The following SATL1 variants were observed in gnomAD, a reference collection of about 807,000 sequenced individuals.
The protein encoded by SATL1 is spermidine/spermine N1-acetyl transferase like 1.
SATL1 carries 47 observed loss-of-function variants against 51.8 expected under a neutral mutation model. That is an observed-to-expected ratio of 0.91 (90% CI 0.72 to 1.16). The LOEUF (loss-of-function observed/expected upper bound fraction) is 1.16, where lower values mean the gene tolerates loss of function less well. Ranked by LOEUF, SATL1 falls within the 50% of genes most tolerant of loss-of-function variation. The pLI, the probability that SATL1 is intolerant of heterozygous loss-of-function variation, is 0.00. For synonymous variants in SATL1, 176 were observed against 182.4 expected (o/e 0.97, Z 0.28); for missense variants, 520 against 526.4 (o/e 0.99, Z 0.12).
At chrX:85,153,170 C>T (rs992551097) in intron 2 of SATL1, among the ~76,000 whole-genome samples, 1 of 110,029 alleles carries the variant, frequency 9.1e-6, no homozygotes, top group Non-Finnish European at 1.9e-5. Context: ...AATCTGGAAT[C>T]GTGGGAAAGA....
intron 2 of SATL1, among the ~76,000 whole-genome samples, chrX:85,111,358 A>G (rs1271790973): frequency 8.9e-6 from 1 of 112,415 alleles, no homozygotes; most frequent in Non-Finnish European, 1.9e-5. Flanking sequence ...TTTTTAACGG[A>G]ACATACAAAA....
chrX:85,159,704 A>C (rs1774677904), intron 2 of SATL1, among the ~76,000 whole-genome samples: 1 of 111,216 alleles, frequency 9.0e-6, no homozygotes, highest in African/African-American at 3.3e-5. Flanking sequence ...TGGTAACACC[A>C]CCATGAACAC....
chrX:85,199,564 T>C (rs1470922848), intron 2 of SATL1, among the ~76,000 whole-genome samples: 1 of 112,114 alleles, frequency 8.9e-6, no homozygotes, highest in African/African-American at 3.2e-5. Flanking sequence ...GCAAGTGTGG[T>C]ACCTATACAC....
At chrX:85,224,384 A>G (rs1258067166) in intron 1 of SATL1, 58 bp from the exon 2 acceptor site, 2 of 111,299 alleles carry the variant, frequency 1.8e-5, no homozygotes, top group African/African-American at 3.3e-5. Flanking sequence ...CACATAAGTA[A>G]TGTTTACAGA....
In SATL1 at chrX:85,108,676, A is replaced by T; in HGVS notation, c.293T>A (p.Val98Asp). ...GMLQQELSQLVLSKAGISQPD... is the reference protein window; with the variant it reads ...GMLQQELSQLDLSKAGISQPD... ...TTGGCTTATGCCTGCTTTGCTCAGG[A>T]CTAGTTGGCTCAGTTCTTGTTGCAG... The change falls in exon 3 of 8, where the codon GTC (valine) becomes GAC (aspartate). Residue 98 changes from valine (V) to aspartate (D), a missense_variant. By Grantham distance (152) the Val-to-Asp change is radical. Around this residue, in one of 3 missense-constraint regions of SATL1, gnomAD observed 488 missense variants for 474.3 expected, o/e 1.03. Coordinates refer to ENST00000644105, the MANE Select transcript of SATL1 (RefSeq NM_001367857.2). 8.3e-7 allele frequency: 1 copy of T among 1,198,985 alleles called. No homozygotes were observed. Among genetic ancestry groups the T allele is most frequent in the Non-Finnish European group, 1.1e-6 (1 of 889,164 alleles).
At chrX:85,160,439 G>T (rs1602879859) in intron 2 of SATL1, among the ~76,000 whole-genome samples, 1 of 110,585 alleles carries the variant, frequency 9.0e-6, no homozygotes, top group East Asian at 2.9e-4. Context: ...AAGGATCACA[G>T]TAAAACGATA....
chrX:85,149,110 G>C (rs1351338585), intron 2 of SATL1, among the ~76,000 whole-genome samples: 2 of 111,488 alleles, frequency 1.8e-5, no homozygotes, highest in Non-Finnish European at 3.8e-5. Flanking sequence ...AAAATAAAAG[G>C]ATGGAGGAGG....
At chrX:85,228,413 T>A (rs1291946658) in intron 1 of SATL1, among the ~76,000 whole-genome samples, 2 of 111,313 alleles carry the variant, frequency 1.8e-5, no homozygotes, top group South Asian at 3.7e-4. Context: ...TTCTCACATT[T>A]AAAAAAAATG....
At chrX:85,114,455 A>T (rs1925336469) in intron 2 of SATL1, among the ~76,000 whole-genome samples, 1 of 111,393 alleles carries the variant, frequency 9.0e-6, no homozygotes, top group African/African-American at 3.3e-5. Context: ...TAATGTCACA[A>T]TCTCCAAAGT....
At chrX:85,111,505 C>A (rs923995056) in intron 2 of SATL1, among the ~76,000 whole-genome samples, 1 of 112,135 alleles carries the variant, frequency 8.9e-6, no homozygotes, top group Non-Finnish European at 1.9e-5. Flanking sequence ...TTTTAATAGA[C>A]TATTTTTTAA....
At chrX:85,105,949 G>A (rs1177276070) in intron 3 of SATL1, among the ~76,000 whole-genome samples, 1 of 111,722 alleles carries the variant, frequency 9.0e-6, no homozygotes, top group Non-Finnish European at 1.9e-5. Context: ...AAATTAAAAA[G>A]TAAATGTGGC....
chrX:85,220,687 A>AC (rs1928157806), intron 2 of SATL1, among the ~76,000 whole-genome samples: 1 of 91,903 alleles, frequency 1.1e-5, no homozygotes, highest in Non-Finnish European at 2.1e-5. Context: ...AAAAAAAAAA[A>AC]CTCTCCTGGA....
At chrX:85,183,502 A>T (rs1927251763) in intron 2 of SATL1, among the ~76,000 whole-genome samples, 1 of 111,363 alleles carries the variant, frequency 9.0e-6, no homozygotes, top group South Asian at 3.8e-4. Flanking sequence ...ATTTGGTAGT[A>T]TGATACCTGA....
chrX:85,171,171 G>A (rs778963361), intron 2 of SATL1, among the ~76,000 whole-genome samples: 8 of 111,271 alleles, frequency 7.2e-5, no homozygotes, highest in Non-Finnish European at 1.5e-4. Context: ...ATAAATCAGG[G>A]TAAACTTATT....
At chrX:85,190,210 C>G (rs1462283005) in intron 2 of SATL1, among the ~76,000 whole-genome samples, 1 of 111,790 alleles carries the variant, frequency 8.9e-6, no homozygotes, top group East Asian at 2.8e-4. Flanking sequence ...AAACGTTTTT[C>G]CTCTAATAAA....
chrX:85,113,327 C>CA lies in SATL1; in HGVS notation c.-312-4048dup, dbSNP rs767290831. Among the ~76,000 whole-genome samples, 29 of 110,911 alleles carry CA rather than the reference C, an allele frequency of 2.6e-4. No homozygotes were observed. In the South Asian group the frequency reaches 5.0e-3, roughly 19 times the overall value. On this transcript the variant is annotated intron_variant, in intron 2 of 7. Coordinates refer to ENST00000644105, the MANE Select transcript of SATL1 (RefSeq NM_001367857.2). Reference sequence around the variant, plus strand: ...CCAGAATAATAGGCTGCAGATAGCTCAAAAAAATCCTGAGGCTACCGACAT... The same window carrying CA: ...CCAGAATAATAGGCTGCAGATAGCTCAAAAAAAATCCTGAGGCTACCGACAT...
intron 2 of SATL1, among the ~76,000 whole-genome samples, chrX:85,220,560 A>C (rs894650182): frequency 1.1e-4 from 11 of 100,644 alleles, no homozygotes; most frequent in Non-Finnish European, 2.2e-4. Context: ...TTTGGATACC[A>C]GCTCAGCCAC....
At chrX:85,165,109 T>G (rs1259083817) in intron 2 of SATL1, among the ~76,000 whole-genome samples, 1 of 111,806 alleles carries the variant, frequency 8.9e-6, no homozygotes, top group African/African-American at 3.3e-5. Flanking sequence ...AGGGAAGTTT[T>G]CCTTGATTAT....
chrX:85,133,461 C>T (rs747656127), intron 2 of SATL1, among the ~76,000 whole-genome samples: 54 of 112,465 alleles, frequency 4.8e-4, no homozygotes, highest in African/African-American at 1.0e-3. Context: ...CTGAGCCATG[C>T]GCAGGATATA....
Sources: gnomAD v4.1 joint callset for allele counts (sites outside exome capture counted in the v4.1 genomes callset) on GRCh38, gnomAD v4.1.1 for gene constraint, gnomAD v4.1.1 regional missense constraint, MANE v1.5 for transcripts, NCBI Gene and HGNC (gene_info 2026-07-23, HGNC 2026-07-21) for gene names.